VPS13C: variants seen among roughly 807,000 people sequenced by gnomAD.
The protein encoded by VPS13C is intermembrane lipid transfer protein VPS13C.
A neutral mutation model predicts 456.8 loss-of-function variants in VPS13C; 358 were observed. The observed-to-expected ratio is 0.78, with a 90% CI of 0.72 to 0.86. The LOEUF (loss-of-function observed/expected upper bound fraction) is 0.86. Ranked by LOEUF, VPS13C falls within the 40% of genes least tolerant of loss-of-function variation. The probability of loss-of-function intolerance (pLI) is 0.00; values close to 1 mark genes in which losing one functional copy is unlikely to be tolerated. For missense variants in VPS13C, 4,818 were observed against 4,385.4 expected (o/e 1.10, Z -2.79); for synonymous variants, 1,578 against 1,486.7 (o/e 1.06, Z -1.41).
At chr15:62,023,674 G>A in intron 7 of VPS13C, 106 bp downstream of exon 7, 1 of 1,273,948 alleles carries the variant, frequency 7.8e-7, no homozygotes, top group Non-Finnish European at 1.1e-6. Context: ...CTTAAAACTT[G>A]TTTTTGAATT....
At chr15:61,996,170 C>T (rs187765606) in intron 16 of VPS13C, among the ~76,000 whole-genome samples, 152 of 152,250 alleles carry the variant, frequency 1.0e-3, no homozygotes, top group African/African-American at 3.0e-3. Flanking sequence ...GTGAAACTAA[C>T]CCAAACCAAA....
In VPS13C at chr15:61,875,739, G is replaced by A; in HGVS notation, c.10331C>T (p.Pro3444Leu). ...CAAATAAGAGGTCAATACCTGGAAG[G>A]GTTCATAGAATAAAGCTTCAACTCC... is the stretch of plus-strand genomic sequence containing the variant. ...SEGVEALFYE[P>L]FQGAVQGPEE... The change falls in exon 76 of 85, where the codon CCC (proline) becomes CTC (leucine). Residue 3444 changes from proline (P) to leucine (L), a missense_variant. Transcript: ENST00000644861. 6.2e-7 allele frequency: 1 copy of A among 1,608,918 alleles called. No homozygotes were observed. The highest frequency in any genetic ancestry group is 1.7e-4 in the Middle Eastern group (1 of 5,992).
At chr15:61,862,714 G>A (rs747377073) in intron 82 of VPS13C, among the ~76,000 whole-genome samples, 4 of 152,048 alleles carry the variant, frequency 2.6e-5, no homozygotes, top group Non-Finnish European at 5.9e-5. Context: ...TCTCTTACAT[G>A]AGGATTCTGA....
intron 51 of VPS13C, 83 bp from the exon 52 acceptor site, chr15:61,927,403 T>A (rs2043891327): frequency 9.5e-7 from 1 of 1,057,628 alleles, no homozygotes; most frequent in Non-Finnish European, 1.4e-6. Context: ...GTTGTTAAGT[T>A]GTTCTCAATG....
chr15:62,016,323 C>T (rs1482832832), intron 9 of VPS13C, among the ~76,000 whole-genome samples: 3 of 151,780 alleles, frequency 2.0e-5, no homozygotes, highest in Non-Finnish European at 2.9e-5. Context: ...GCACAACGTG[C>T]AGATTAGTTA....
chr15:61,931,063 T>G, intron 50 of VPS13C, 27 bp downstream of exon 50: 5 of 1,612,836 alleles, frequency 3.1e-6, no homozygotes, highest in Non-Finnish European at 4.2e-6. Context: ...CCTTAAATAA[T>G]GTATTGCAAA....
intron 24 of VPS13C, among the ~76,000 whole-genome samples, chr15:61,976,151 C>T (rs750111746): frequency 2.5e-4 from 38 of 151,986 alleles, no homozygotes; most frequent in Non-Finnish European, 4.4e-5. Context: ...AATTTTGGAG[C>T]ATTTCAAATT....
At chr15:62,039,356 T>C (rs1290062723) in intron 3 of VPS13C, among the ~76,000 whole-genome samples, 1 of 152,122 alleles carries the variant, frequency 6.6e-6, no homozygotes, top group African/African-American at 2.4e-5. Context: ...TATTGTATGT[T>C]CTCACTTACA....
chr15:61,992,261 A>G (rs920070602), intron 16 of VPS13C, among the ~76,000 whole-genome samples: 2 of 152,184 alleles, frequency 1.3e-5, no homozygotes, highest in African/African-American at 4.8e-5. Context: ...AGGGATATAA[A>G]TTAAAATAGT....
chr15:61,902,914 T>G, intron 66 of VPS13C, among the ~76,000 whole-genome samples: 1 of 147,968 alleles, frequency 6.8e-6, no homozygotes. Context: ...ATTATCCTCG[T>G]TCACAAACAA....
At chr15:62,033,006 G>A (rs1043290002) in intron 5 of VPS13C, among the ~76,000 whole-genome samples, 2 of 151,510 alleles carry the variant, frequency 1.3e-5, no homozygotes, top group East Asian at 1.9e-4. Flanking sequence ...TGTACAACAC[G>A]AAGGGAGATA....
intron 3 of VPS13C, among the ~76,000 whole-genome samples, chr15:62,040,970 AGT>A (rs1447299162): frequency 6.6e-6 from 1 of 152,172 alleles, no homozygotes; most frequent in African/African-American, 2.4e-5. Flanking sequence ...CTACATTTAC[AGT>A]TTACCTACTG....
At chr15:61,949,818 TTTTAAC>T (rs1178431186) in intron 41 of VPS13C, among the ~76,000 whole-genome samples, 1 of 152,202 alleles carries the variant, frequency 6.6e-6, no homozygotes, top group African/African-American at 2.4e-5. Flanking sequence ...GCAACCACAA[TTTTAAC>T]TCAAAAGAAC....
At chr15:61,920,846 G>C (rs2043631291) in intron 55 of VPS13C, among the ~76,000 whole-genome samples, 199 bp from the exon 56 acceptor site, 1 of 152,054 alleles carries the variant, frequency 6.6e-6, no homozygotes, top group South Asian at 2.1e-4. Context: ...CAAGCATGGG[G>C]AAAAGTTTAG....
intron 15 of VPS13C, among the ~76,000 whole-genome samples, chr15:62,005,733 C>T (rs78231522): frequency 1.7e-3 from 257 of 150,804 alleles, no homozygotes; most frequent in Admixed American, 3.3e-3. Context: ...GAGGGAGTTT[C>T]GCTCTTGTTG....
chr15:61,978,889 T>A (rs1194082998), intron 22 of VPS13C, 140 bp from the exon 23 acceptor site: 1 of 739,024 alleles, frequency 1.4e-6, no homozygotes, highest in Non-Finnish European at 2.0e-6. Flanking sequence ...TGAATAAACA[T>A]TTTAATTTTC....
At chr15:61,992,969 A>G (rs1358395016) in intron 16 of VPS13C, among the ~76,000 whole-genome samples, 1 of 152,152 alleles carries the variant, frequency 6.6e-6, no homozygotes, top group Non-Finnish European at 1.5e-5. Flanking sequence ...AGCAGAGATC[A>G]TGATAAAGGG....
chr15:62,060,229 TG>T, intron 1 of VPS13C, 45 bp downstream of exon 1: 1 of 1,168,180 alleles, frequency 8.6e-7, no homozygotes, highest in Non-Finnish European at 1.3e-6. Context: ...AGCCCTCGGC[TG>T]GGCCCTCAGC....
intron 38 of VPS13C, among the ~76,000 whole-genome samples, chr15:61,953,594 T>C (rs958554666): frequency 6.6e-6 from 1 of 152,038 alleles, no homozygotes; most frequent in African/African-American, 2.4e-5. Context: ...CTGCATAGTA[T>C]TCCATGGTGT....
Sources: gnomAD v4.1 joint callset for allele counts (sites outside exome capture counted in the v4.1 genomes callset) on GRCh38, gnomAD v4.1.1 for gene constraint, MANE v1.5 for transcripts, NCBI Gene and HGNC (gene_info 2026-07-23, HGNC 2026-07-21) for gene names.